The following ACAP1 variants were observed in gnomAD, a reference collection of about 807,000 sequenced individuals.
ACAP1 encodes ArfGAP with coiled-coil, ankyrin repeat and PH domains 1.
In ACAP1, 45 loss-of-function variants were observed where a neutral mutation model predicts 98.8. The observed-to-expected ratio is 0.46, with a 90% CI of 0.36 to 0.58. The LOEUF is 0.58. Among genes scored for constraint, ACAP1 ranks in the 20% least tolerant of loss-of-function variants. The pLI, the probability that ACAP1 is intolerant of heterozygous loss-of-function variation, is 0.00. For synonymous variants in ACAP1, 362 were observed against 375.3 expected (o/e 0.96, Z 0.41); for missense variants, 735 against 971.4 (o/e 0.76, Z 3.24).
In ACAP1 at chr17:7,343,646, AGGGGTGCT is replaced by A; in HGVS notation, c.529-58_529-51del. ...TGGGGGTCTCCAGTGTGCAGTGGGA[AGGGGTGCT>A]GTGTCTTCAAGACTGATCTGGGGTT... On this transcript the variant is annotated intron_variant, in intron 6 of 21. Coordinates refer to ENST00000158762, the MANE Select transcript of ACAP1 (RefSeq NM_014716.4). The surrounding 1 kb of genome is among the most constrained non-coding windows in gnomAD (Gnocchi z 4.9). 4.4e-6 allele frequency: 7 copies of A among 1,599,268 alleles called. No individual in the cohort carries two copies. The highest frequency in any genetic ancestry group is 6.0e-6 in the Non-Finnish European group (7 of 1,170,518).
chr17:7,348,372 G>A lies in ACAP1; in HGVS notation c.1575G>A (p.Glu525=). The part of the protein sequence containing the change: ...VEKKFLTKLP[E]IRGRRGGRGR... Reference sequence around the variant, plus strand: ...AGAAGTTCCTGACCAAGCTGCCTGAGATTCGAGGGCGAAGAGGTGGCCGGG... The same window carrying A: ...AGAAGTTCCTGACCAAGCTGCCTGAAATTCGAGGGCGAAGAGGTGGCCGGG... Residue 525 remains glutamate (E), a synonymous_variant, in exon 17 of 22, where the codon GAG becomes GAA. Coordinates refer to ENST00000158762, the MANE Select transcript of ACAP1 (RefSeq NM_014716.4). The A allele has an allele frequency of 6.4e-7, 1 of 1,573,808 alleles. No individual in the cohort carries two copies. The highest frequency in any genetic ancestry group is 8.6e-7 in the Non-Finnish European group (1 of 1,157,722).
intron 1 of ACAP1, 26 bp downstream of exon 1, chr17:7,336,813 TAAG>T (rs1252590167): frequency 6.2e-7 from 1 of 1,612,830 alleles, no homozygotes. Context: ...TCTGGGGGGC[TAAG>T]GAGGGGAAAG....
At chr17:7,341,168 C>G (rs530889094) in intron 2 of ACAP1, among the ~76,000 whole-genome samples, 3 of 152,164 alleles carry the variant, frequency 2.0e-5, no homozygotes, top group Non-Finnish European at 2.9e-5. Flanking sequence ...ATTTATTTTT[C>G]GAGACAGAGT....
At chr17:7,336,808 G>A (rs1208735502) in intron 1 of ACAP1, 21 bp downstream of exon 1, 3 of 1,613,454 alleles carry the variant, frequency 1.9e-6, no homozygotes, top group Non-Finnish European at 2.5e-6. Flanking sequence ...ACTGGTCTGG[G>A]GGGCTAAGGA....
intron 21 of ACAP1, 97 bp from the exon 22 acceptor site, chr17:7,351,198 G>T: frequency 8.4e-7 from 1 of 1,194,626 alleles, no homozygotes. Flanking sequence ...TCCCACCCAG[G>T]CTCGGAGCGC....
Position 7,350,543 on chromosome 17 carries a change from G to C in ACAP1, c.2072+306G>C, listed in dbSNP as rs1473137097. The C allele has an allele frequency of 2.1e-6, 1 of 483,290 alleles. No homozygotes were observed. Among genetic ancestry groups the C allele is most frequent in the Non-Finnish European group, 3.7e-6 (1 of 269,636 alleles). 29.9% of individuals were successfully genotyped at this position (483,290 alleles called of 1,614,324 possible). On this transcript the variant is annotated intron_variant, in intron 20 of 21. Transcript: ENST00000158762. The surrounding 1 kb of genome is among the most constrained non-coding windows in gnomAD (Gnocchi z 4.6). ...TTTAGCACTAGACGTGACCCCGGGG[G>C]TGGGGGCAGATGAACGGAACGCAAC...
chr17:7,349,861 C>G, intron 18 of ACAP1, 84 bp from the exon 19 acceptor site: 1 of 1,152,262 alleles, frequency 8.7e-7, no homozygotes. Context: ...CTCCCATTCT[C>G]TGAACTGGCG....
intron 17 of ACAP1, 115 bp downstream of exon 17, chr17:7,348,590 G>T: frequency 8.3e-7 from 1 of 1,198,832 alleles, no homozygotes; most frequent in Non-Finnish European, 1.1e-6. Context: ...AATGTCGGAG[G>T]GACCGGACTG....
intron 17 of ACAP1, 31 bp downstream of exon 17, chr17:7,348,506 T>C (rs888185078): frequency 1.4e-6 from 2 of 1,452,842 alleles, no homozygotes; most frequent in East Asian, 2.5e-5. Context: ...TCATTGAGCA[T>C]CTGCTGTGTG....
intron 21 of ACAP1, 37 bp from the exon 22 acceptor site, chr17:7,351,258 G>T (rs772945900): frequency 1.3e-6 from 2 of 1,558,064 alleles, no homozygotes; most frequent in Admixed American, 3.5e-5. Flanking sequence ...TCTGCACTGG[G>T]GCCCAGCCGC....
chr17:7,337,230 C>A, intron 1 of ACAP1, 82 bp from the exon 2 acceptor site: 1 of 1,337,444 alleles, frequency 7.5e-7, no homozygotes, highest in South Asian at 1.2e-5. Context: ...CCGTACCCAC[C>A]GCCCTGCGAC....
chr17:7,337,713 G>A (rs1286876475), intron 2 of ACAP1, among the ~76,000 whole-genome samples: 2 of 152,058 alleles, frequency 1.3e-5, no homozygotes, highest in Admixed American at 1.3e-4. Context: ...AATCATCCAG[G>A]CTTAGTGGCA....
rs566684350 is a variant in ACAP1, at chr17:7,344,472, G to A, written c.745-67G>A. On this transcript the variant is annotated intron_variant, in intron 9 of 21. Coordinates refer to ENST00000158762, the MANE Select transcript of ACAP1 (RefSeq NM_014716.4). This position sits in a 1 kb window ranked among gnomAD's most constrained non-coding sequence, Gnocchi z 4.9. ...AAGTAAGGGCTAGGGCTGTGGGCAG[G>A]AGGCAGATGCCTATGGCCTTGGTGT... The A allele has an allele frequency of 1.9e-5, 21 of 1,130,632 alleles. No individual in the cohort carries two copies. The South Asian group carries it at 2.8e-4, about 15-fold the overall frequency. The allele number at this position is 1,130,632 out of a possible 1,614,324, so 70.0% of individuals were successfully genotyped here.
At chr17:7,348,689 A>G (rs778224646) in intron 17 of ACAP1, 1 of 602,806 alleles carries the variant, frequency 1.7e-6, no homozygotes, top group Non-Finnish European at 2.8e-6. Context: ...GGGTGCCAAC[A>G]GCACAAGAAA....
chr17:7,347,399 C>T (rs2073357278), intron 14 of ACAP1, 157 bp downstream of exon 14: 1 of 763,072 alleles, frequency 1.3e-6, no homozygotes, highest in African/African-American at 1.8e-5. Flanking sequence ...GCCCAAGCCT[C>T]TGGGGTGCCA....
In ACAP1 at chr17:7,343,791, T is replaced by C. The variant is rs141545568; in HGVS notation, c.573+41T>C. ...GGTGAGGGCAGGGTGGAGAAGAGCC[T>C]GCTGCCAGCACAAGGGAATGGGGAG... On this transcript the variant is annotated intron_variant, in intron 7 of 21. Transcript: ENST00000158762. The surrounding 1 kb of genome is among the most constrained non-coding windows in gnomAD (Gnocchi z 4.9). 3.7e-4 allele frequency: 598 copies of C among 1,613,116 alleles called. No individual in the cohort carries two copies. Among genetic ancestry groups the C allele is most frequent in the Non-Finnish European group, 4.8e-4 (565 of 1,179,520 alleles).
chr17:7,345,938 G>A, intron 10 of ACAP1: 1 of 322,528 alleles, frequency 3.1e-6, no homozygotes, highest in Non-Finnish European at 6.0e-6. Context: ...TTACAGGTGT[G>A]AGCCCAGCCT....
chr17:7,339,337 T>C (rs367661581), intron 2 of ACAP1, among the ~76,000 whole-genome samples: 17 of 133,204 alleles, frequency 1.3e-4, no homozygotes, highest in Middle Eastern at 5.7e-3. Flanking sequence ...CTAGCCAAGC[T>C]CAGTGGCTCA....
chr17:7,347,205 G>A lies in ACAP1; in HGVS notation c.1306G>A (p.Gly436Ser). 1 of 1,613,908 alleles carries A rather than the reference G, an allele frequency of 6.2e-7. No individual in the cohort carries two copies. Among genetic ancestry groups the A allele is most frequent in the Non-Finnish European group, 8.5e-7 (1 of 1,179,890 alleles). Residue 436 changes from glycine to serine, a missense_variant, in exon 14 of 22, where the codon GGT becomes AGT. Transcript: ENST00000158762. ...PAPEWASINL[G>S]VTLCIQCSGI... ...CCCGGAGTGGGCCAGCATCAACCTTGGTGTCACCCTCTGCATTCAGTGTTC... is the reference window on the plus strand; with the variant it reads ...CCCGGAGTGGGCCAGCATCAACCTTAGTGTCACCCTCTGCATTCAGTGTTC...
Sources: allele counts gnomAD v4.1 joint callset (sites outside exome capture counted in the v4.1 genomes callset), GRCh38; gene constraint gnomAD v4.1.1; non-coding constraint Gnocchi (gnomAD v3.1); transcripts MANE v1.5; gene names NCBI Gene and HGNC (gene_info 2026-07-23, HGNC 2026-07-21).